The following ABCF2 variants were observed in gnomAD, a reference collection of about 807,000 sequenced individuals.
The protein encoded by ABCF2 is ATP-binding cassette sub-family F member 2.
ABCF2 carries 37 observed loss-of-function variants against 76.9 expected under a neutral mutation model. That is an observed-to-expected ratio of 0.48 (90% CI 0.37 to 0.63). ABCF2 has a LOEUF of 0.63. Ranked by LOEUF, ABCF2 falls within the 30% of genes least tolerant of loss-of-function variation. The pLI, the probability that ABCF2 is intolerant of heterozygous loss-of-function variation, is 0.00. For synonymous variants in ABCF2, 299 were observed against 283.7 expected, an observed-to-expected ratio of 1.05 and a Z score of -0.54; for missense variants, 524 against 782.1, an observed-to-expected ratio of 0.67 and a Z score of 3.94.
chr7:151,224,207 T>C, intron 3 of ABCF2, 93 bp from the exon 4 acceptor site: 2 of 1,282,478 alleles, frequency 1.6e-6, no homozygotes, highest in Non-Finnish European at 1.1e-6. Context: ...TGGGACCTCA[T>C]CCATTTTTTT....
chr7:151,217,976 G>A, intron 11 of ABCF2, 105 bp downstream of exon 11: 3 of 796,322 alleles, frequency 3.8e-6, no homozygotes, highest in Non-Finnish European at 6.3e-6. Flanking sequence ...TCACCACCAG[G>A]GTACTCAGGC....
intron 11 of ABCF2, among the ~76,000 whole-genome samples, chr7:151,217,035 C>T (rs1199086745): frequency 3.9e-5 from 6 of 152,194 alleles, no homozygotes; most frequent in African/African-American, 4.8e-5. Context: ...AAAATAATCA[C>T]GAATGTGGCT....
In ABCF2 at chr7:151,214,623, C is replaced by G. The variant is rs1802114362; in HGVS notation, c.1734+256G>C. 1.3e-5 allele frequency among the ~76,000 whole-genome samples: 2 copies of G among 152,216 alleles called. No homozygotes were observed. Among genetic ancestry groups the G allele is most frequent in the African/African-American group, 4.8e-5 (2 of 41,460 alleles). On this transcript the variant is annotated intron_variant, in intron 14 of 14. Coordinates refer to ENST00000287844, the MANE Select transcript of ABCF2 (RefSeq NM_007189.3). The surrounding 1 kb of genome is among the most constrained non-coding windows in gnomAD (Gnocchi z 4.9). Reference sequence around the variant, plus strand: ...TAAAAGCACCGTTTTCTACCCAACTCTCTTTCCCATTTGGGCCCAAAATGC... The same window carrying G: ...TAAAAGCACCGTTTTCTACCCAACTGTCTTTCCCATTTGGGCCCAAAATGC...
In ABCF2 at chr7:151,213,712, TC is replaced by T. The variant is rs1223804951; in HGVS notation, c.*341del. 5.6e-6 allele frequency: 6 copies of T among 1,080,788 alleles called. No individual in the cohort carries two copies. The highest frequency in any genetic ancestry group is 6.7e-6 in the Non-Finnish European group (6 of 892,804). 66.9% of individuals were successfully genotyped at this position (1,080,788 alleles called of 1,614,324 possible). On this transcript the variant is annotated 3_prime_UTR_variant, in exon 15 of 15. Coordinates refer to ENST00000287844, the MANE Select transcript of ABCF2 (RefSeq NM_007189.3). ...CCAGAAAACGAGGATCCTAAGCTCC[TC>T]CGCAGGCCAAATCCAGGGCTTGGGC...
At position 151,226,479 on chromosome 7, in the gene ABCF2, G is replaced by C. The variant is rs758168343; in HGVS notation, c.-21C>G. 6.2e-6 allele frequency: 10 copies of C among 1,607,966 alleles called. No individual in the cohort carries two copies. The highest frequency in any genetic ancestry group is 2.2e-5 in the East Asian group (1 of 44,796). ...GGCATGATGATGACCCACAGGGGTA[G>C]GTTACTGTTGTTTCAGGGAGCCTGA... On this transcript the variant is annotated 5_prime_UTR_variant, in exon 2 of 15. Transcript: ENST00000287844.
At chr7:151,218,918 C>T in intron 8 of ABCF2, 45 bp from the exon 9 acceptor site, 1 of 1,610,714 alleles carries the variant, frequency 6.2e-7, no homozygotes, top group South Asian at 1.1e-5. Flanking sequence ...AGGCGCTCAA[C>T]AATTCATCTT....
rs375413496 is a variant in ABCF2, at chr7:151,224,161, C to A, written c.368-47G>T. 35 of 1,582,566 alleles carry A rather than the reference C, an allele frequency of 2.2e-5. No individual in the cohort carries two copies. The African/African-American group carries it at 4.3e-4, about 20-fold the overall frequency. On this transcript the variant is annotated intron_variant, in intron 3 of 14. Transcript: ENST00000287844. ...CGCTTGGTACAGTGAACTCCCCTAT[C>A]CCTCTTCACCACTAGTTCTTCCACC...
intron 11 of ABCF2, among the ~76,000 whole-genome samples, chr7:151,216,300 T>C (rs936704911): frequency 6.6e-6 from 1 of 152,238 alleles, no homozygotes; most frequent in Non-Finnish European, 1.5e-5. Context: ...AGGACTTGGA[T>C]GTAGGTGCAA....
rs1426266357 is a variant in ABCF2, at chr7:151,214,918, A to T, written c.1695T>A (p.Gly565=). The T allele has an allele frequency of 2.5e-6, 4 of 1,614,126 alleles. No homozygotes were observed. The highest frequency in any genetic ancestry group is 2.2e-5 in the South Asian group (2 of 91,068). ...TGAAGTCATGGCTGACCAGCATCAT[A>T]CCACCCTCAAACTCATTGATGGCAT... ...LADAINEFEG[G]MMLVSHDFRL... Residue 565 remains glycine, a synonymous_variant, in exon 14 of 15, where the codon GGT becomes GGA. Coordinates refer to ENST00000287844, the MANE Select transcript of ABCF2 (RefSeq NM_007189.3). This position sits in a 1 kb window ranked among gnomAD's most constrained non-coding sequence, Gnocchi z 4.9.
chr7:151,218,070 T>A lies in ABCF2; in HGVS notation c.1338+11A>T. 1 of 1,597,186 alleles carries A rather than the reference T, an allele frequency of 6.3e-7. No homozygotes were observed. Among genetic ancestry groups the A allele is most frequent in the Non-Finnish European group, 8.6e-7 (1 of 1,164,780 alleles). On this transcript the variant is annotated intron_variant, in intron 11 of 14. Coordinates refer to ENST00000287844, the MANE Select transcript of ABCF2 (RefSeq NM_007189.3). The stretch of plus-strand genomic sequence containing the variant: ...ATCTTAGAGGGATCCACGCCCACCT[T>A]GGCACCATACCTCTCCAGTTAGCAG...
Position 151,218,494 on chromosome 7 carries a change from CA to C in ABCF2, c.1227+66del. 5.0e-6 allele frequency: 7 copies of C among 1,389,002 alleles called. No homozygotes were observed. The South Asian group carries it at 8.3e-5, about 17-fold the overall frequency. 86.0% of individuals were successfully genotyped at this position (1,389,002 alleles called of 1,614,324 possible). On this transcript the variant is annotated intron_variant, in intron 10 of 14. Transcript: ENST00000287844. ...AGGTGTGGTCAGCACAGAACAGGAG[CA>C]ACTCCCATGAGCTGCCACTCACCCT...
intron 5 of ABCF2, 78 bp downstream of exon 5, chr7:151,223,600 A>C: frequency 6.8e-7 from 1 of 1,471,776 alleles, no homozygotes; most frequent in Non-Finnish European, 9.1e-7. Flanking sequence ...TCCTGTTCCA[A>C]ACAGTTCCAC....
rs958147972 is a variant in ABCF2 at position 151,216,938 on chromosome 7, C to A, written c.1339-909G>T. Among the ~76,000 whole-genome samples, 4 of 152,274 alleles carry A rather than the reference C, an allele frequency of 2.6e-5. No homozygotes were observed. The East Asian group carries it at 7.7e-4, about 29-fold the overall frequency. ...TTTTTGGTGAATCAGTGAGTGATGG[C>A]AATTTTAAGAGTGGTGGGTTAAACC... is the stretch of plus-strand genomic sequence containing the variant. On this transcript the variant is annotated intron_variant, in intron 11 of 14. Transcript: ENST00000287844.
chr7:151,215,443 C>A lies in ABCF2; in HGVS notation c.1530+161G>T, dbSNP rs1039274828. ...CTCAAAATGCTCCATTACATAACAA[C>A]CTAGAGTAAAGAAAAGGTAGTAGGT... On this transcript the variant is annotated intron_variant, in intron 13 of 14. Coordinates refer to ENST00000287844, the MANE Select transcript of ABCF2 (RefSeq NM_007189.3). The surrounding 1 kb of genome is among the most constrained non-coding windows in gnomAD (Gnocchi z 4.6). 6.6e-6 allele frequency among the ~76,000 whole-genome samples: 1 copy of A among 152,170 alleles called. No homozygotes were observed. Among genetic ancestry groups the A allele is most frequent in the Non-Finnish European group, 1.5e-5 (1 of 68,030 alleles).
At position 151,218,749 on chromosome 7, in the gene ABCF2, C is replaced by T. The variant is rs1346671491; in HGVS notation, c.1137+5G>A. ...CCAATCACACCCCACCCAATCACACCCCACCTTATCGCTCACGACCCTCTC... is the reference window on the plus strand; with the variant it reads ...CCAATCACACCCCACCCAATCACACTCCACCTTATCGCTCACGACCCTCTC... On this transcript the variant is annotated splice_donor_5th_base_variant and intron_variant, in intron 9 of 14. Transcript: ENST00000287844. 2 of 1,613,858 alleles carry T rather than the reference C, an allele frequency of 1.2e-6. No homozygotes were observed. Among genetic ancestry groups the T allele is most frequent in the Admixed American group, 3.3e-5 (2 of 59,982 alleles).
In ABCF2 at chr7:151,221,581, A is replaced by C; in HGVS notation, c.918T>G (p.Tyr306Ter). The C allele has an allele frequency of 6.3e-7, 1 of 1,578,734 alleles. No individual in the cohort carries two copies. The highest frequency in any genetic ancestry group is 8.7e-7 in the Non-Finnish European group (1 of 1,148,186). The change falls in exon 7 of 15, where the codon TAT becomes TAG. Residue 306 changes from tyrosine (Y) to a stop codon, truncating the protein, a stop_gained. Transcript: ENST00000287844. LOFTEE classifies it high-confidence loss of function. Reference sequence around the variant, plus strand: ...GAAGAAGCCGAGGCCCACTCACCGTATAATACTTCAGTTTCTTGTTGTGCA... The same window carrying C: ...GAAGAAGCCGAGGCCCACTCACCGTCTAATACTTCAGTTTCTTGTTGTGCA... ...IHMHNKKLKY[Y>*]TGNYDQYVKT...
Position 151,218,505 on chromosome 7 carries a change from A to T in ABCF2, c.1227+56T>A, listed in dbSNP as rs528875227. On this transcript the variant is annotated intron_variant, in intron 10 of 14. Transcript: ENST00000287844. Reference sequence around the variant, plus strand: ...GCACAGAACAGGAGCAACTCCCATGAGCTGCCACTCACCCTAAGATACACC... The same window carrying T: ...GCACAGAACAGGAGCAACTCCCATGTGCTGCCACTCACCCTAAGATACACC... 5.9e-5 allele frequency: 86 copies of T among 1,460,838 alleles called. No individual in the cohort carries two copies. In the South Asian group the frequency reaches 8.9e-4, roughly 15 times the overall value. 90.5% of individuals were successfully genotyped at this position (1,460,838 alleles called of 1,614,324 possible).
At chr7:151,223,548 A>G in intron 5 of ABCF2, 130 bp downstream of exon 5, 1 of 1,089,068 alleles carries the variant, frequency 9.2e-7, no homozygotes, top group East Asian at 2.5e-5. Context: ...AACCCCCTCC[A>G]CACTGCAGAT....
intron 2 of ABCF2, among the ~76,000 whole-genome samples, 169 bp downstream of exon 2, chr7:151,226,136 C>A (rs186993450): frequency 6.6e-6 from 1 of 152,174 alleles, no homozygotes; most frequent in Admixed American, 6.5e-5. Context: ...GGCTTCCTTG[C>A]GCAATGACAG....
Sources: gnomAD v4.1 joint callset for allele counts (sites outside exome capture counted in the v4.1 genomes callset) on GRCh38, gnomAD v4.1.1 for gene constraint, Gnocchi (gnomAD v3.1) non-coding constraint, MANE v1.5 for transcripts, NCBI Gene and HGNC (gene_info 2026-07-23, HGNC 2026-07-21) for gene names.